Variants in DNAH11 observed in about 807,000 individuals in gnomAD.
DNAH11 encodes axonemal beta dynein heavy chain 11.
DNAH11 carries 442 observed loss-of-function variants against 526.0 expected under a neutral mutation model. That is an observed-to-expected ratio of 0.84 (90% CI 0.78 to 0.91). The LOEUF (loss-of-function observed/expected upper bound fraction) is 0.91, where lower values mean the gene tolerates loss of function less well. Ranked by LOEUF, DNAH11 falls within the 40% of genes least tolerant of loss-of-function variation. DNAH11 has a pLI of 0.00. For missense variants in DNAH11, 6,989 were observed against 5,448.7 expected (o/e 1.28, Z -8.90); for synonymous variants, 2,461 against 1,935.9 (o/e 1.27, Z -7.12).
At chr7:21,861,568 C>G (rs77662044) in intron 68 of DNAH11, among the ~76,000 whole-genome samples, 4 of 151,170 alleles carry the variant, frequency 2.6e-5, no homozygotes, top group African/African-American at 9.9e-5. Context: ...CAATCAAATA[C>G]TAAAATATTA....
intron 14 of DNAH11, among the ~76,000 whole-genome samples, chr7:21,593,104 C>G (rs759281886): frequency 6.6e-6 from 1 of 152,098 alleles, no homozygotes; most frequent in African/African-American, 2.4e-5. Context: ...CAAAAACTAG[C>G]CTCGAAGTCC....
chr7:21,888,536 C>A (rs1784213585), intron 76 of DNAH11, among the ~76,000 whole-genome samples: 1 of 152,018 alleles, frequency 6.6e-6, no homozygotes. Context: ...GTCGCCCAGG[C>A]TGGAGTGCAG....
At chr7:21,867,461 C>G (rs1013830071) in intron 71 of DNAH11, among the ~76,000 whole-genome samples, 1 of 152,096 alleles carries the variant, frequency 6.6e-6, no homozygotes, top group African/African-American at 2.4e-5. Flanking sequence ...TAGAAACACC[C>G]CAAAAAGCAT....
chr7:21,748,069 T>G (rs1160641916), intron 51 of DNAH11, among the ~76,000 whole-genome samples: 1 of 152,202 alleles, frequency 6.6e-6, no homozygotes, highest in Non-Finnish European at 1.5e-5. Context: ...TGGGAGCAGT[T>G]CAAGGGTTAG....
At chr7:21,873,153 A>G in intron 73 of DNAH11, 121 bp from the exon 74 acceptor site, 1 of 912,570 alleles carries the variant, frequency 1.1e-6, no homozygotes, top group Non-Finnish European at 1.7e-6. Flanking sequence ...GTATTGATAA[A>G]GGAAAATTTG....
At chr7:21,564,042 T>TTCGC in intron 5 of DNAH11, 144 bp from the exon 6 acceptor site, 1 of 549,272 alleles carries the variant, frequency 1.8e-6, no homozygotes, top group South Asian at 3.7e-5. Context: ...GTGTAGATTG[T>TTCGC]AGGATAAGTA....
intron 5 of DNAH11, among the ~76,000 whole-genome samples, chr7:21,562,539 C>G (rs1191536247): frequency 6.6e-6 from 1 of 152,024 alleles, no homozygotes; most frequent in Non-Finnish European, 1.5e-5. Flanking sequence ...GAGCCTTATG[C>G]ATGTGTGGCC....
chr7:21,679,558 A>G (rs1416565844), intron 30 of DNAH11, among the ~76,000 whole-genome samples: 1 of 152,226 alleles, frequency 6.6e-6, no homozygotes, highest in East Asian at 1.9e-4. Context: ...GAAATAGGGC[A>G]AATGCTTATA....
intron 30 of DNAH11, among the ~76,000 whole-genome samples, chr7:21,669,033 A>G (rs934877417): frequency 6.6e-6 from 1 of 152,194 alleles, no homozygotes; most frequent in Non-Finnish European, 1.5e-5. Context: ...ATAAAATAGT[A>G]TATCATTGTG....
At position 21,856,743 on chromosome 7, in the gene DNAH11, T is replaced by C. The variant is rs531427457; in HGVS notation, c.11202+2288T>C. Among the ~76,000 whole-genome samples, 7 of 151,566 alleles carry C rather than the reference T, an allele frequency of 4.6e-5. No homozygotes were observed. In the East Asian group the frequency reaches 1.4e-3, roughly 29 times the overall value. ...AAGAAAAAAAAGCTCATATGGTCAT[T>C]TCAGTTGATGCAAAGAACTTGAAAA... On this transcript the variant is annotated intron_variant, in intron 68 of 81. Coordinates refer to ENST00000409508, the MANE Select transcript of DNAH11 (RefSeq NM_001277115.2).
In DNAH11 at chr7:21,901,450, C is replaced by A. The variant is rs1321813687; in HGVS notation, c.*196C>A. 2 of 655,730 alleles carry A rather than the reference C, an allele frequency of 3.1e-6. No individual in the cohort carries two copies. Among genetic ancestry groups the A allele is most frequent in the African/African-American group, 3.7e-5 (2 of 53,652 alleles). The allele number at this position is 655,730 out of a possible 1,614,324, so 40.6% of individuals were successfully genotyped here. A position where few individuals can be genotyped will look rare whatever the true frequency, so the allele number is the denominator to read the frequency against. ...CAGGGCTGAGCGTGGTGGCACACGA[C>A]TGTAATCCCAGTTACTCAGGAGGTA... On this transcript the variant is annotated 3_prime_UTR_variant, in exon 82 of 82. Transcript: ENST00000409508.
intron 45 of DNAH11, among the ~76,000 whole-genome samples, chr7:21,728,863 T>G (rs1224057404): frequency 6.6e-6 from 1 of 152,224 alleles, no homozygotes; most frequent in African/African-American, 2.4e-5. Context: ...TCCTTTAGAT[T>G]CTTAAGACTT....
chr7:21,894,522 G>C, intron 77 of DNAH11, 101 bp from the exon 78 acceptor site: 2 of 1,243,954 alleles, frequency 1.6e-6, no homozygotes, highest in East Asian at 4.7e-5. Context: ...TTCGGAAGTC[G>C]TATGATATAT....
chr7:21,630,455 T>G (rs1040574638), intron 25 of DNAH11, among the ~76,000 whole-genome samples: 1 of 152,250 alleles, frequency 6.6e-6, no homozygotes, highest in African/African-American at 2.4e-5. Context: ...TGTTTTTCTA[T>G]TTCAGATTGA....
chr7:21,740,875 TCA>T (rs1370730156), intron 48 of DNAH11, among the ~76,000 whole-genome samples: 2 of 152,216 alleles, frequency 1.3e-5, no homozygotes, highest in Non-Finnish European at 2.9e-5. Flanking sequence ...CTCTATATCC[TCA>T]CACATATTTA....
At chr7:21,626,441 A>G (rs190528640) in intron 25 of DNAH11, among the ~76,000 whole-genome samples, 2 of 152,284 alleles carry the variant, frequency 1.3e-5, no homozygotes, top group South Asian at 2.1e-4. Context: ...TGTGTTTTCA[A>G]CATACTGATT....
rs1378981061 is a variant in DNAH11, at chr7:21,711,754, T to G, written c.6877T>G (p.Phe2293Val). 3.7e-6 allele frequency: 6 copies of G among 1,613,750 alleles called. No homozygotes were observed. Among genetic ancestry groups the G allele is most frequent in the Middle Eastern group, 3.3e-4 (2 of 6,080 alleles). ...CAATGAGCGCATTGCACTCACTCCC[T>G]TCATGAGGCTTCTGTTTGAGATACA... ...ASNERIALTP[F>V]MRLLFEIHHL... Residue 2293 changes from phenylalanine to valine, a missense_variant, in exon 42 of 82, where the codon TTC becomes GTC. Transcript: ENST00000409508.
intron 54 of DNAH11, among the ~76,000 whole-genome samples, chr7:21,758,429 T>C (rs189289962): frequency 1.3e-5 from 2 of 152,290 alleles, no homozygotes; most frequent in East Asian, 1.9e-4. Flanking sequence ...TACTCATTCA[T>C]GTAGCCATTC....
At chr7:21,797,192 C>G (rs1788756698) in intron 61 of DNAH11, among the ~76,000 whole-genome samples, 1 of 151,762 alleles carries the variant, frequency 6.6e-6, no homozygotes, top group Non-Finnish European at 1.5e-5. Flanking sequence ...GTAAAATCAT[C>G]TTGATGATTA....
Sources: allele counts gnomAD v4.1 joint callset (sites outside exome capture counted in the v4.1 genomes callset), GRCh38; gene constraint gnomAD v4.1.1; transcripts MANE v1.5; gene names NCBI Gene and HGNC (gene_info 2026-07-23, HGNC 2026-07-21).